Variants in RAB27A observed in about 807,000 individuals in gnomAD.
RAB27A encodes RAB27A, member RAS oncogene family, also known as ras-related protein Rab-27A.
Under a neutral mutation model 20.8 loss-of-function variants are expected in RAB27A, and 17 were observed. The ratio of observed to expected loss-of-function variants is 0.82; its 90% confidence interval spans 0.56 to 1.23. The LOEUF is 1.23. Ranked by LOEUF, RAB27A falls within the 50% of genes most tolerant of loss-of-function variation. The probability of loss-of-function intolerance (pLI) is 0.00; values close to 1 mark genes in which losing one functional copy is unlikely to be tolerated. For synonymous variants in RAB27A, 85 were observed against 92.8 expected (o/e 0.92, Z 0.48); for missense variants, 277 against 266.7 (o/e 1.04, Z -0.27).
chr15:55,305,036 T>C (rs1566941000), intron 2 of RAB27A, among the ~76,000 whole-genome samples: 1 of 152,288 alleles, frequency 6.6e-6, no homozygotes, highest in East Asian at 1.9e-4. Flanking sequence ...TGGCTATTTC[T>C]TTTCCTCCTG....
chr15:55,298,136 C>G (rs2054957142), intron 2 of RAB27A, among the ~76,000 whole-genome samples: 1 of 148,284 alleles, frequency 6.7e-6, no homozygotes, highest in African/African-American at 2.5e-5. Context: ...ACCCGGGAGG[C>G]AGAGCTTGCT....
chr15:55,273,749 C>A (rs1897773186), intron 1 of RAB27A, among the ~76,000 whole-genome samples: 1 of 152,082 alleles, frequency 6.6e-6, no homozygotes, highest in Non-Finnish European at 1.5e-5. Flanking sequence ...ATATATAAAG[C>A]AAATATTAAC....
chr15:55,296,186 G>GCC (rs1002546636), intron 2 of RAB27A, among the ~76,000 whole-genome samples: 3 of 150,022 alleles, frequency 2.0e-5, no homozygotes, highest in African/African-American at 7.3e-5. Context: ...GAGCCACCGT[G>GCC]CCCAGCCCCA....
At chr15:55,294,294 G>C (rs1012254671), upstream of RAB27A, among the ~76,000 whole-genome samples, 6 of 151,860 alleles carry the variant, frequency 4.0e-5, no homozygotes, top group Non-Finnish European at 7.4e-5. Flanking sequence ...ACATGCAAAA[G>C]AATGAAACTG....
In RAB27A at chr15:55,281,469, T is replaced by C. The variant is rs543097294; in HGVS notation, c.-143+8247A>G. Among the ~76,000 whole-genome samples the C allele has an allele frequency of 2.6e-5, 4 of 152,282 alleles. No individual in the cohort carries two copies. The East Asian group carries it at 5.8e-4, about 22-fold the overall frequency. Reference sequence around the variant, plus strand: ...GTTCATGCCTGTAATCTCAGCACTTTGGGAGGCCAAGGCAGGCAGATCACT... The same window carrying C: ...GTTCATGCCTGTAATCTCAGCACTTCGGGAGGCCAAGGCAGGCAGATCACT... On this transcript the variant is annotated intron_variant, in intron 1 of 6. Transcript: ENST00000336787.
At chr15:55,288,862 A>G (rs1201868945) in intron 1 of RAB27A, 1 of 152,220 alleles carries the variant, frequency 6.6e-6, no homozygotes, top group African/African-American at 2.4e-5. Context: ...AGAATCAACA[A>G]ATTTAATTAG....
intron 2 of RAB27A, among the ~76,000 whole-genome samples, chr15:55,269,508 A>G (rs1304773591): frequency 1.3e-5 from 2 of 152,176 alleles, no homozygotes; most frequent in Non-Finnish European, 2.9e-5. Flanking sequence ...GCACTTTGGG[A>G]GGCCCAGGTG....
At chr15:55,282,906 T>G (rs1898052974) in intron 1 of RAB27A, among the ~76,000 whole-genome samples, 1 of 138,558 alleles carries the variant, frequency 7.2e-6, no homozygotes, top group Admixed American at 7.2e-5. Flanking sequence ...GAATCCCGTG[T>G]GGAGACAATA....
intron 2 of RAB27A, among the ~76,000 whole-genome samples, chr15:55,268,946 T>A (rs1897607940): frequency 6.6e-6 from 1 of 152,154 alleles, no homozygotes; most frequent in South Asian, 2.1e-4. Context: ...TCCACCCTCA[T>A]GGTCTCTTCA....
intron 6 of RAB27A, among the ~76,000 whole-genome samples, chr15:55,215,649 C>T (rs141033737): frequency 0.016 from 1,323 of 82,476 alleles, 44 homozygotes; most frequent in African/African-American, 0.079. Context: ...GAGACTCCGT[C>T]TCAAAAAAAA....
chr15:55,310,041 C>T (rs990707985), intron 2 of RAB27A, among the ~76,000 whole-genome samples: 1 of 152,048 alleles, frequency 6.6e-6, no homozygotes, highest in African/African-American at 2.4e-5. Context: ...GGACAACAAA[C>T]GGGTGTTCCT....
At chr15:55,294,133 T>TA (rs146292652), upstream of RAB27A, among the ~76,000 whole-genome samples, 7,880 of 147,998 alleles carry the variant, frequency 0.053, 634 homozygotes, top group African/African-American at 0.18. Flanking sequence ...GTATAGTAAT[T>TA]AAAAAAAAAA....
At chr15:55,210,217 GTA>G (rs1179465509) in intron 6 of RAB27A, among the ~76,000 whole-genome samples, 3 of 137,992 alleles carry the variant, frequency 2.2e-5, no homozygotes, top group Non-Finnish European at 4.7e-5. Flanking sequence ...ACATGTATGT[GTA>G]TGTATATATA....
At chr15:55,274,009 T>C (rs1056074997) in intron 1 of RAB27A, among the ~76,000 whole-genome samples, 1 of 152,066 alleles carries the variant, frequency 6.6e-6, no homozygotes, top group African/African-American at 2.4e-5. Flanking sequence ...ACAAAACAAG[T>C]CTCAACAAAT....
At chr15:55,277,171 A>G (rs1282022215) in intron 1 of RAB27A, among the ~76,000 whole-genome samples, 1 of 152,242 alleles carries the variant, frequency 6.6e-6, no homozygotes, top group Non-Finnish European at 1.5e-5. Context: ...AAGTATCAAT[A>G]GATAATGACT....
At chr15:55,293,000 T>C (rs1335354915), upstream of RAB27A, among the ~76,000 whole-genome samples, 3 of 152,154 alleles carry the variant, frequency 2.0e-5, no homozygotes, top group Non-Finnish European at 4.4e-5. Context: ...CTAAGTACAC[T>C]GAACACATCT....
At chr15:55,264,818 A>G (rs1433763511) in intron 2 of RAB27A, among the ~76,000 whole-genome samples, 1 of 152,234 alleles carries the variant, frequency 6.6e-6, no homozygotes, top group Non-Finnish European at 1.5e-5. Flanking sequence ...TCATGAGCAC[A>G]TCAATTAAAC....
At position 55,258,549 on chromosome 15, in the gene RAB27A, G is replaced by A. The variant is rs565755677; in HGVS notation, c.-23+11616C>T. Among the ~76,000 whole-genome samples, 7 of 152,290 alleles carry A rather than the reference G, an allele frequency of 4.6e-5. No individual in the cohort carries two copies. In the East Asian group the frequency reaches 5.8e-4, roughly 13 times the overall value. On this transcript the variant is annotated intron_variant, in intron 2 of 6. Coordinates refer to ENST00000336787, the MANE Select transcript of RAB27A (RefSeq NM_183235.3). ...GGGAGTCACCTCCTCTAGGGTAGGC[G>A]TCAAAGCGTGAAATTCCTGGGCTAT...
chr15:55,245,408 T>C (rs181739171), intron 2 of RAB27A, among the ~76,000 whole-genome samples: 2 of 152,320 alleles, frequency 1.3e-5, no homozygotes, highest in Non-Finnish European at 2.9e-5. Flanking sequence ...CTAACACCTT[T>C]GAAAAGTAGA....
Sources: allele counts gnomAD v4.1 joint callset (sites outside exome capture counted in the v4.1 genomes callset), GRCh38; gene constraint gnomAD v4.1.1; transcripts MANE v1.5; gene names NCBI Gene and HGNC (gene_info 2026-07-23, HGNC 2026-07-21).